Variants in ATRNL1 observed in about 807,000 individuals in gnomAD.
ATRNL1 encodes the protein attractin like 1, also known as attractin-like protein 1.
In ATRNL1, 95 loss-of-function variants were observed where a neutral mutation model predicts 182.7. The observed-to-expected ratio is 0.52, with a 90% CI of 0.44 to 0.62. The LOEUF is 0.62. ATRNL1 is among the 20% of genes least tolerant of loss of function. The probability of loss-of-function intolerance (pLI) is 0.00; values close to 1 mark genes in which losing one functional copy is unlikely to be tolerated. For synonymous variants in ATRNL1, 576 were observed against 568.3 expected (o/e 1.01, Z -0.19); for missense variants, 1,471 against 1,679.5 (o/e 0.88, Z 2.17).
At chr10:115,273,721 C>T (rs1554913978) in intron 13 of ATRNL1, among the ~76,000 whole-genome samples, 2 of 152,186 alleles carry the variant, frequency 1.3e-5, no homozygotes, top group African/African-American at 2.4e-5. Context: ...GTCTTCTCTT[C>T]CTCTGTCAAG....
At chr10:115,412,705 G>A (rs1276762697) in intron 20 of ATRNL1, among the ~76,000 whole-genome samples, 1 of 152,142 alleles carries the variant, frequency 6.6e-6, no homozygotes, top group Non-Finnish European at 1.5e-5. Context: ...TTTCAACAAT[G>A]CAGATTAAGA....
At chr10:115,205,721 A>G (rs782093272) in intron 8 of ATRNL1, among the ~76,000 whole-genome samples, 1 of 152,054 alleles carries the variant, frequency 6.6e-6, no homozygotes, top group African/African-American at 2.4e-5. Context: ...ATGGTTTGGA[A>G]TGCGGAAACC....
At chr10:115,896,053 G>A (rs11197471) in intron 28 of ATRNL1, among the ~76,000 whole-genome samples, 12,415 of 152,146 alleles carry the variant, frequency 0.082, 1,513 homozygotes, top group African/African-American at 0.26. Flanking sequence ...CGTCTTCTGT[G>A]TTATTGTCAC....
intron 13 of ATRNL1, among the ~76,000 whole-genome samples, chr10:115,270,637 A>G (rs1197772657): frequency 1.3e-5 from 2 of 151,936 alleles, no homozygotes; most frequent in Admixed American, 1.3e-4. Context: ...TCCAAGAGCA[A>G]GAAAAGGCAG....
chr10:115,360,691 C>T (rs529718396), intron 19 of ATRNL1, among the ~76,000 whole-genome samples: 37 of 150,822 alleles, frequency 2.5e-4, no homozygotes, highest in Non-Finnish European at 4.4e-4. Flanking sequence ...CTTTAAGTTC[C>T]AGATACATTT....
rs541629582 is a variant in ATRNL1, at chr10:115,623,519, T to A, written c.3795+73983T>A. ...AGAGAAAAATCTATAGTCTTAACTA[T>A]TCATATTTAAAACAAATACAAAAGC... On this transcript the variant is annotated intron_variant, in intron 26 of 28. Coordinates refer to ENST00000355044, the MANE Select transcript of ATRNL1 (RefSeq NM_207303.4). Among the ~76,000 whole-genome samples the A allele has an allele frequency of 1.1e-4, 16 of 152,312 alleles. No individual in the cohort carries two copies. In the South Asian group the frequency reaches 2.7e-3, roughly 26 times the overall value.
Position 115,751,312 on chromosome 10 carries a change from A to G in ATRNL1, c.3903+23957A>G, listed in dbSNP as rs1593167789. On this transcript the variant is annotated intron_variant, in intron 27 of 28. Transcript: ENST00000355044. ...ACAAATCTGCTGTCGCCCTGATTTT[A>G]GCTCCCTGAGAACTATTTTTGACTT... Among the ~76,000 whole-genome samples the G allele has an allele frequency of 5.9e-5, 9 of 152,188 alleles. 1 individual carries two copies. The South Asian group carries it at 1.9e-3, about 32-fold the overall frequency.
chr10:115,630,273 A>T (rs988156979), intron 26 of ATRNL1, among the ~76,000 whole-genome samples: 1 of 152,160 alleles, frequency 6.6e-6, no homozygotes, highest in Admixed American at 6.5e-5. Flanking sequence ...GCTCAACATT[A>T]CCAAGCATCA....
chr10:115,567,655 T>C (rs1854147058), intron 26 of ATRNL1, among the ~76,000 whole-genome samples: 1 of 152,168 alleles, frequency 6.6e-6, no homozygotes. Flanking sequence ...AAATTCTATG[T>C]TGATTTGTAA....
chr10:115,938,762 A>G (rs1383116134), intron 28 of ATRNL1, among the ~76,000 whole-genome samples: 1 of 152,190 alleles, frequency 6.6e-6, no homozygotes, highest in East Asian at 1.9e-4. Flanking sequence ...AGAAAGACAA[A>G]TACTGTATGA....
chr10:115,773,405 G>T (rs1395283461), intron 27 of ATRNL1, among the ~76,000 whole-genome samples: 4 of 152,064 alleles, frequency 2.6e-5, no homozygotes, highest in African/African-American at 9.7e-5. Flanking sequence ...GGAAGTTCAG[G>T]CCTCAGGAAA....
At chr10:115,744,335 A>G (rs1948228400) in intron 27 of ATRNL1, among the ~76,000 whole-genome samples, 1 of 152,158 alleles carries the variant, frequency 6.6e-6, no homozygotes, top group Non-Finnish European at 1.5e-5. Context: ...CAGATAGCAC[A>G]AAAGTGCTTA....
intron 27 of ATRNL1, among the ~76,000 whole-genome samples, chr10:115,826,848 A>G (rs1555092171): frequency 6.6e-6 from 1 of 152,184 alleles, no homozygotes; most frequent in Non-Finnish European, 1.5e-5. Flanking sequence ...ACCAATTGAA[A>G]AAGAGTGGGT....
chr10:115,789,434 C>T (rs1203342766), intron 27 of ATRNL1, among the ~76,000 whole-genome samples: 1 of 152,128 alleles, frequency 6.6e-6, no homozygotes, highest in African/African-American at 2.4e-5. Flanking sequence ...AATGGGGATA[C>T]ATAGCACAAA....
chr10:115,255,831 A>G (rs1462866787), intron 10 of ATRNL1, among the ~76,000 whole-genome samples: 5 of 152,130 alleles, frequency 3.3e-5, no homozygotes, highest in African/African-American at 1.2e-4. Context: ...TAATTTATTG[A>G]GAGTTTTTAG....
chr10:115,268,523 C>T, intron 13 of ATRNL1, 79 bp downstream of exon 13: 1 of 1,023,236 alleles, frequency 9.8e-7, no homozygotes, highest in Non-Finnish European at 1.5e-6. Context: ...TTTAGTAGCA[C>T]TGTAGAAAAA....
intron 15 of ATRNL1, among the ~76,000 whole-genome samples, chr10:115,298,371 G>A (rs1005579186): frequency 6.6e-5 from 10 of 152,092 alleles, no homozygotes; most frequent in Non-Finnish European, 2.9e-5. Flanking sequence ...CATTTACTGA[G>A]TAATAGTTAC....
intron 25 of ATRNL1, among the ~76,000 whole-genome samples, chr10:115,541,523 G>A (rs974982683): frequency 6.6e-6 from 1 of 152,120 alleles, no homozygotes; most frequent in African/African-American, 2.4e-5. Context: ...TATACTCTGT[G>A]GCCCAACAAT....
intron 28 of ATRNL1, among the ~76,000 whole-genome samples, chr10:115,852,647 C>T (rs1287306894): frequency 1.3e-5 from 2 of 152,152 alleles, no homozygotes; most frequent in African/African-American, 4.8e-5. Context: ...CCACTGGCTC[C>T]TCAGCCAGTG....
Sources: allele counts gnomAD v4.1 joint callset (sites outside exome capture counted in the v4.1 genomes callset), GRCh38; gene constraint gnomAD v4.1.1; transcripts MANE v1.5; gene names NCBI Gene and HGNC (gene_info 2026-07-23, HGNC 2026-07-21).